CTTNBP2NL: variants seen among roughly 807,000 people sequenced by gnomAD.
CTTNBP2NL encodes the protein CTTNBP2 N-terminal like.
A neutral mutation model predicts 32.5 loss-of-function variants in CTTNBP2NL; 16 were observed. The ratio of observed to expected loss-of-function variants is 0.49; its 90% CI spans 0.33 to 0.75. The LOEUF (loss-of-function observed/expected upper bound fraction) is 0.75. Among genes scored for constraint, CTTNBP2NL ranks in the 30% least tolerant of loss-of-function variants. The probability of loss-of-function intolerance (pLI) is 0.02; values close to 1 mark genes in which losing one functional copy is unlikely to be tolerated. For missense variants in CTTNBP2NL, 645 were observed against 756.0 expected (o/e 0.85, Z 1.72); for synonymous variants, 298 against 289.4 (o/e 1.03, Z -0.30).
intron 3 of CTTNBP2NL, among the ~76,000 whole-genome samples, chr1:112,434,687 G>T (rs957948230): frequency 7.2e-5 from 11 of 152,098 alleles, no homozygotes; most frequent in Admixed American, 3.9e-4. Context: ...TTACAGACTG[G>T]CTGGAACCCA....
upstream of CTTNBP2NL, chr1:112,396,090 A>C (rs1257455366): frequency 6.6e-6 from 1 of 152,244 alleles, no homozygotes; most frequent in African/African-American, 2.4e-5. Context: ...GAGGAGCCTG[A>C]ATGACTTTGG....
chr1:112,408,220 A>ATTTTTTTTT (rs397981257), intron 1 of CTTNBP2NL, among the ~76,000 whole-genome samples: 26 of 103,750 alleles, frequency 2.5e-4, no homozygotes, highest in African/African-American at 9.0e-4. Flanking sequence ...TTTTTTTTTA[A>ATTTTTTTTT]TTTTTTTTTT....
intron 2 of CTTNBP2NL, among the ~76,000 whole-genome samples, chr1:112,414,440 T>C (rs1648998290): frequency 6.6e-6 from 1 of 152,214 alleles, no homozygotes. Context: ...TTGGACAGCA[T>C]GTCCTGGAAC....
At chr1:112,430,858 C>T (rs1489974140) in intron 3 of CTTNBP2NL, among the ~76,000 whole-genome samples, 1 of 152,206 alleles carries the variant, frequency 6.6e-6, no homozygotes, top group Non-Finnish European at 1.5e-5. Flanking sequence ...GCTGGGATTA[C>T]AGGCATGAGC....
At chr1:112,452,093 G>A (rs919170890) in intron 4 of CTTNBP2NL, among the ~76,000 whole-genome samples, 39 of 151,912 alleles carry the variant, frequency 2.6e-4, no homozygotes, top group Non-Finnish European at 4.4e-4. Context: ...ACCACTTTTG[G>A]CCAAAAGCAT....
intron 3 of CTTNBP2NL, among the ~76,000 whole-genome samples, chr1:112,437,084 T>G (rs962680626): frequency 6.6e-6 from 1 of 152,212 alleles, no homozygotes; most frequent in African/African-American, 2.4e-5. Flanking sequence ...CTATTGAGAA[T>G]AGTGCTGCAG....
chr1:112,451,494 A>G (rs1323498641), intron 4 of CTTNBP2NL, among the ~76,000 whole-genome samples: 2 of 151,518 alleles, frequency 1.3e-5, no homozygotes, highest in Admixed American at 6.6e-5. Flanking sequence ...TTTGAAGGCC[A>G]GACACAGTGA....
chr1:112,393,923 C>A (rs187000100), upstream of CTTNBP2NL, among the ~76,000 whole-genome samples: 121 of 152,096 alleles, frequency 8.0e-4, no homozygotes, highest in African/African-American at 2.7e-3. Flanking sequence ...GAAAGGAGGA[C>A]CTGCCGGGCA....
In CTTNBP2NL at chr1:112,438,032, C is replaced by T. The variant is rs145233229; in HGVS notation, c.100-10910C>T. Among the ~76,000 whole-genome samples, 533 of 152,242 alleles carry T rather than the reference C, an allele frequency of 3.5e-3. 3 individuals carry two copies. Among genetic ancestry groups the T allele is most frequent in the African/African-American group, 0.012 (492 of 41,544 alleles). ...TTGTCATGAAATCTTTGCCAGTTCC[C>T]GTGTCCAGAATGGTATTGTCTAGGT... On this transcript the variant is annotated intron_variant, in intron 3 of 5. Transcript: ENST00000271277.
Position 112,407,106 on chromosome 1 carries a change from G to A in CTTNBP2NL, c.-133-5088G>A, listed in dbSNP as rs1372484175. Among the ~76,000 whole-genome samples the A allele has an allele frequency of 2.0e-5, 3 of 152,134 alleles. No homozygotes were observed. In the East Asian group the frequency reaches 5.8e-4, roughly 29 times the overall value. ...AAACCATTCTGTTTTATATAATGCT[G>A]TCTATAATATGGCTGGGAAAAAACA... is the stretch of plus-strand genomic sequence containing the variant. On this transcript the variant is annotated intron_variant, in intron 1 of 5. Transcript: ENST00000271277.
intron 3 of CTTNBP2NL, among the ~76,000 whole-genome samples, chr1:112,447,359 A>C (rs912294737): frequency 4.0e-5 from 6 of 151,658 alleles, no homozygotes; most frequent in Admixed American, 3.3e-4. Flanking sequence ...ACACACACAC[A>C]CACAACACAC....
At chr1:112,406,458 G>A (rs1648671361) in intron 1 of CTTNBP2NL, among the ~76,000 whole-genome samples, 2 of 152,180 alleles carry the variant, frequency 1.3e-5, no homozygotes, top group African/African-American at 2.4e-5. Context: ...CATACTAGCT[G>A]TGAGGCTTTG....
chr1:112,417,084 T>G (rs769969165), intron 3 of CTTNBP2NL, among the ~76,000 whole-genome samples: 2 of 152,178 alleles, frequency 1.3e-5, no homozygotes, highest in African/African-American at 4.8e-5. Flanking sequence ...ATAATTAGGA[T>G]AGGAGTGGAG....
intron 3 of CTTNBP2NL, among the ~76,000 whole-genome samples, chr1:112,430,167 CTTTCT>C (rs202124796): frequency 0.18 from 25,809 of 143,486 alleles, 2,678 homozygotes; most frequent in East Asian, 0.46. Context: ...TAGCTCTTTT[CTTTCT>C]TTTCTTTTCT....
In CTTNBP2NL at chr1:112,443,255, C is replaced by T. The variant is rs112849149; in HGVS notation, c.100-5687C>T. On this transcript the variant is annotated intron_variant, in intron 3 of 5. Transcript: ENST00000271277. ...TTGAGACAGAGTCTCACTCTATCACCGAGGCTGGAGTGCAGTGGTGCGATC... is the reference window on the plus strand; with the variant it reads ...TTGAGACAGAGTCTCACTCTATCACTGAGGCTGGAGTGCAGTGGTGCGATC... Among the ~76,000 whole-genome samples the T allele has an allele frequency of 3.8e-3, 577 of 152,256 alleles. 1 individual carries two copies. The highest frequency in any genetic ancestry group is 0.011 in the African/African-American group (467 of 41,538).
chr1:112,397,431 C>T (rs1648362869), intron 1 of CTTNBP2NL, among the ~76,000 whole-genome samples: 1 of 152,104 alleles, frequency 6.6e-6, no homozygotes, highest in African/African-American at 2.4e-5. Flanking sequence ...ATAGTGTCCT[C>T]CCCGCCCCCA....
intron 3 of CTTNBP2NL, among the ~76,000 whole-genome samples, chr1:112,443,726 GTTTAA>G (rs1649961830): frequency 6.6e-6 from 1 of 152,166 alleles, no homozygotes; most frequent in Non-Finnish European, 1.5e-5. Context: ...AAAAAATAAA[GTTTAA>G]TTTAAATGAG....
rs557878460 is a variant in CTTNBP2NL at position 112,404,242 on chromosome 1, T to G, written c.-133-7952T>G. On this transcript the variant is annotated intron_variant, in intron 1 of 5. Coordinates refer to ENST00000271277, the MANE Select transcript of CTTNBP2NL (RefSeq NM_018704.3). ...AACCATAGAACAACAATTGCCAGGC[T>G]TGTTGTTGGAAATATTCAACTGATA... Among the ~76,000 whole-genome samples the G allele has an allele frequency of 1.4e-4, 22 of 152,348 alleles. 2 individuals are homozygous for G. The South Asian group carries it at 4.4e-3, about 30-fold the overall frequency.
intron 3 of CTTNBP2NL, among the ~76,000 whole-genome samples, chr1:112,440,647 T>C (rs1216210671): frequency 6.6e-6 from 1 of 152,214 alleles, no homozygotes; most frequent in East Asian, 1.9e-4. Flanking sequence ...TGAAATTCAT[T>C]CCTACAAAGT....
Sources: gnomAD v4.1 joint callset for allele counts (sites outside exome capture counted in the v4.1 genomes callset) on GRCh38, gnomAD v4.1.1 for gene constraint, MANE v1.5 for transcripts, NCBI Gene and HGNC (gene_info 2026-07-23, HGNC 2026-07-21) for gene names.